The following XKR9 variants were observed in gnomAD, a reference collection of about 807,000 sequenced individuals.
XKR9 encodes XK-related protein 9.
Under a neutral mutation model 32.0 loss-of-function variants are expected in XKR9, and 32 were observed. The observed-to-expected ratio is 1.00, with a 90% CI of 0.76 to 1.34. The LOEUF is 1.34. Among genes scored for constraint, XKR9 ranks in the 40% most tolerant of loss-of-function variants. The pLI, the probability that XKR9 is intolerant of heterozygous loss-of-function variation, is 0.00. For synonymous variants in XKR9, 168 were observed against 143.4 expected, an observed-to-expected ratio of 1.17 and a Z score of -1.22; for missense variants, 546 against 429.7, an observed-to-expected ratio of 1.27 and a Z score of -2.39.
chr8:71,034,535 G>C, the XKR9 span, among the ~76,000 whole-genome samples: 54 of 152,314 alleles, frequency 3.5e-4, no homozygotes, highest in Non-Finnish European at 6.0e-4. Flanking sequence ...CATGCTTGGA[G>C]TCCTGAATTG....
the XKR9 span, among the ~76,000 whole-genome samples, chr8:71,061,405 C>T: frequency 6.6e-6 from 1 of 152,184 alleles, no homozygotes; most frequent in African/African-American, 2.4e-5. Flanking sequence ...AGCAGTGTTC[C>T]AGCCTTACCC....
chr8:71,022,786 C>T, the XKR9 span, among the ~76,000 whole-genome samples: 1 of 152,104 alleles, frequency 6.6e-6, no homozygotes, highest in Admixed American at 6.5e-5. Flanking sequence ...CTCATGTAGG[C>T]CTTCTTCATT....
the XKR9 span, among the ~76,000 whole-genome samples, chr8:70,917,656 T>G: frequency 6.2e-4 from 95 of 152,386 alleles, 1 homozygote; most frequent in Admixed American, 1.1e-3. Flanking sequence ...CTGAATCTAT[T>G]CAGCTTTCTC....
chr8:70,984,753 G>A, the XKR9 span, among the ~76,000 whole-genome samples: 1 of 152,082 alleles, frequency 6.6e-6, no homozygotes, highest in Non-Finnish European at 1.5e-5. Flanking sequence ...GTACAATGTG[G>A]GAATTACCAA....
chr8:70,850,009 G>A, the XKR9 span, among the ~76,000 whole-genome samples: 1 of 151,686 alleles, frequency 6.6e-6, no homozygotes, highest in Non-Finnish European at 1.5e-5. Context: ...CCCAGGACCA[G>A]ATGGATTCAC....
rs201765224 is a variant in XKR9, at chr8:70,733,790, T to C, written c.494-6T>C. 87 of 1,541,120 alleles carry C rather than the reference T, an allele frequency of 5.6e-5. No individual in the cohort carries two copies. Among genetic ancestry groups the C allele is most frequent in the Non-Finnish European group, 7.4e-5 (85 of 1,151,276 alleles). On this transcript the variant is annotated splice_polypyrimidine_tract_variant and splice_region_variant and intron_variant, in intron 4 of 4. Coordinates refer to ENST00000408926, the MANE Select transcript of XKR9 (RefSeq NM_001011720.2). ...ACAATATATTTTTTATTTTTTTGTT[T>C]TGTAGATGCGGCCATCATGGTCTCT...
chr8:70,966,724 A>T, the XKR9 span, among the ~76,000 whole-genome samples: 14 of 152,128 alleles, frequency 9.2e-5, no homozygotes, highest in Non-Finnish European at 2.1e-4. Context: ...TGGGGTGTTA[A>T]AGTCTCCCAA....
chr8:70,995,234 C>G, the XKR9 span, among the ~76,000 whole-genome samples: 1 of 152,178 alleles, frequency 6.6e-6, no homozygotes, highest in Admixed American at 6.5e-5. Context: ...ATTGTTCTTA[C>G]TTTCATGATG....
intron 2 of XKR9, among the ~76,000 whole-genome samples, chr8:70,763,315 CAT>C (rs1159602085): frequency 6.6e-6 from 1 of 152,154 alleles, no homozygotes; most frequent in Non-Finnish European, 1.5e-5. Context: ...ACTTAGTTCA[CAT>C]GTTTGTGGAC....
chr8:70,923,232 A>G, the XKR9 span, among the ~76,000 whole-genome samples: 2 of 152,240 alleles, frequency 1.3e-5, no homozygotes, highest in African/African-American at 2.4e-5. Context: ...CTTTCTTGAC[A>G]ACAGTTAACA....
intron 3 of XKR9, among the ~76,000 whole-genome samples, chr8:70,706,581 A>C (rs1300296187): frequency 6.6e-6 from 1 of 152,082 alleles, no homozygotes; most frequent in Non-Finnish European, 1.5e-5. Context: ...ACCCCTTACT[A>C]TCTGTGTAAC....
At position 70,782,493 on chromosome 8, in the gene XKR9, A is replaced by C. The variant is rs148399141; in HGVS notation, n.353-6846A>C. Among the ~76,000 whole-genome samples the C allele has an allele frequency of 5.3e-3, 802 of 151,964 alleles. 10 individuals are homozygous for C. The highest frequency in any genetic ancestry group is 0.018 in the African/African-American group (756 of 41,448). On this transcript the variant is annotated intron_variant and non_coding_transcript_variant, in intron 2 of 3. Transcript: ENST00000520273. Reference sequence around the variant, plus strand: ...TACGCTGCATACAGTTGTAAAAAAAAATTCCTTCTGAGATTTTTTACCCTT... The same window carrying C: ...TACGCTGCATACAGTTGTAAAAAAACATTCCTTCTGAGATTTTTTACCCTT...
At chr8:71,045,491 A>C in the XKR9 span, among the ~76,000 whole-genome samples, 6 of 152,226 alleles carry the variant, frequency 3.9e-5, no homozygotes, top group African/African-American at 1.2e-4. Flanking sequence ...GAGGACTCAA[A>C]GTGAAACAAG....
intron 2 of XKR9, among the ~76,000 whole-genome samples, chr8:70,785,029 G>A (rs1033334633): frequency 2.2e-4 from 34 of 152,054 alleles, no homozygotes; most frequent in Middle Eastern, 6.8e-3. Context: ...GCCTCATAAA[G>A]AGTTTGGAAG....
chr8:70,745,240 CTTAA>C (rs1265201007), intron 2 of XKR9, among the ~76,000 whole-genome samples: 9 of 152,204 alleles, frequency 5.9e-5, no homozygotes, highest in South Asian at 2.1e-4. Flanking sequence ...ATAGAATGAA[CTTAA>C]TTAATTTTAT....
At chr8:70,806,222 T>G in the XKR9 span, among the ~76,000 whole-genome samples, 1 of 152,024 alleles carries the variant, frequency 6.6e-6, no homozygotes, top group Admixed American at 6.5e-5. Flanking sequence ...AACAATAGCA[T>G]CGACAACAAC....
intron 4 of XKR9, among the ~76,000 whole-genome samples, chr8:70,724,633 G>T (rs79683513): frequency 6.6e-6 from 1 of 152,192 alleles, no homozygotes; most frequent in Admixed American, 6.5e-5. Context: ...GGGGAGGGAG[G>T]TCCCTGGCCC....
chr8:70,946,586 A>T, the XKR9 span, among the ~76,000 whole-genome samples: 1 of 152,174 alleles, frequency 6.6e-6, no homozygotes. Flanking sequence ...ACAACCACTA[A>T]ATAGAGAAAC....
the XKR9 span, among the ~76,000 whole-genome samples, chr8:71,058,751 T>C: frequency 6.6e-6 from 1 of 152,238 alleles, no homozygotes; most frequent in Non-Finnish European, 1.5e-5. Context: ...TCCAGAAAAG[T>C]ACATTATCCA....
Sources: allele counts gnomAD v4.1 joint callset (sites outside exome capture counted in the v4.1 genomes callset), GRCh38; gene constraint gnomAD v4.1.1; transcripts MANE v1.5; gene names NCBI Gene and HGNC (gene_info 2026-07-23, HGNC 2026-07-21).